The following ZEB2 variants were observed in gnomAD, a reference collection of about 807,000 sequenced individuals.
ZEB2 encodes the protein zinc finger E-box-binding homeobox 2.
In ZEB2, 6 loss-of-function variants were observed where a neutral mutation model predicts 99.9. That is an observed-to-expected ratio of 0.06 (90% CI 0.03 to 0.12). The LOEUF is 0.12. ZEB2 is among the 10% of genes least tolerant of loss of function. ZEB2 has a pLI of 1.00. For missense variants in ZEB2, 969 were observed against 1,502.8 expected (o/e 0.64, Z 5.87); for synonymous variants, 517 against 542.5 (o/e 0.95, Z 0.65).
intron 2 of ZEB2, among the ~76,000 whole-genome samples, chr2:144,498,584 T>C (rs1704823339): frequency 6.6e-6 from 1 of 152,176 alleles, no homozygotes; most frequent in Admixed American, 6.5e-5. Flanking sequence ...TGGAGTTAAC[T>C]GGTGACCTTT....
intron 2 of ZEB2, among the ~76,000 whole-genome samples, chr2:144,452,313 C>G (rs1037682137): frequency 1.3e-5 from 2 of 151,842 alleles, no homozygotes; most frequent in African/African-American, 2.4e-5. Flanking sequence ...CTCTCCTATA[C>G]GCGGCTGAAG....
Position 144,404,042 on chromosome 2 carries a change from C to T in ZEB2, c.681G>A (p.Lys227=). 1.2e-6 allele frequency: 2 copies of T among 1,614,074 alleles called. No individual in the cohort carries two copies. Among genetic ancestry groups the T allele is most frequent in the Non-Finnish European group, 1.7e-6 (2 of 1,180,032 alleles). Residue 227 remains lysine, a synonymous_variant, in exon 6 of 10, where the codon AAG becomes AAA. Coordinates refer to ENST00000627532, the MANE Select transcript of ZEB2 (RefSeq NM_014795.4). ...TCTCGTGGCGGTACTTGATGTGCTC[C>T]TTCAGTGATGTCAAGCGCTTGTAGC... ...DRGYKRLTSL[K]EHIKYRHEKN...
chr2:144,406,213 G>A (rs1046444501), intron 4 of ZEB2, among the ~76,000 whole-genome samples: 2 of 152,048 alleles, frequency 1.3e-5, no homozygotes, highest in African/African-American at 4.8e-5. Flanking sequence ...TTTTTATGAG[G>A]GGAATAGAAA....
At chr2:144,471,399 T>C (rs1448293093) in intron 2 of ZEB2, among the ~76,000 whole-genome samples, 1 of 152,074 alleles carries the variant, frequency 6.6e-6, no homozygotes, top group Non-Finnish European at 1.5e-5. Context: ...CAACAACAGA[T>C]ATTCCAACCT....
rs1309168450 is a variant in ZEB2 at position 144,506,857 on chromosome 2, A to G, written c.73+10421T>C. On this transcript the variant is annotated intron_variant, in intron 2 of 9. Coordinates refer to ENST00000627532, the MANE Select transcript of ZEB2 (RefSeq NM_014795.4). Reference sequence around the variant, plus strand: ...TAAAAAAATAAGAAACAGTATATAAAGAACAAAAATCACTATGTTGTCTAT... The same window carrying G: ...TAAAAAAATAAGAAACAGTATATAAGGAACAAAAATCACTATGTTGTCTAT... Among the ~76,000 whole-genome samples the G allele has an allele frequency of 3.3e-5, 5 of 152,224 alleles. No homozygotes were observed. In the East Asian group the frequency reaches 9.6e-4, roughly 29 times the overall value.
At chr2:144,517,687 C>T (rs754120714) in intron 1 of ZEB2, 3 of 702,438 alleles carry the variant, frequency 4.3e-6, no homozygotes, top group Admixed American at 2.0e-5. Flanking sequence ...AACTCCTGAC[C>T]GTATGAGGGA....
rs952610816 is a variant in ZEB2 at position 144,443,159 on chromosome 2, A to T, written c.74-13133T>A. The stretch of plus-strand genomic sequence containing the variant: ...AAAATAGATCATTGAAATAAGAGTT[A>T]AAAAAGTATTTTAAAGAATATAATT... On this transcript the variant is annotated intron_variant, in intron 2 of 9. Coordinates refer to ENST00000627532, the MANE Select transcript of ZEB2 (RefSeq NM_014795.4). 3.3e-5 allele frequency among the ~76,000 whole-genome samples: 5 copies of T among 152,264 alleles called. No individual in the cohort carries two copies. In the South Asian group the frequency reaches 1.0e-3, roughly 32 times the overall value.
intron 2 of ZEB2, chr2:144,511,649 T>C (rs765710762): frequency 1.6e-6 from 2 of 1,287,164 alleles, no homozygotes; most frequent in Non-Finnish European, 1.0e-6. Context: ...GGTAAGCTGA[T>C]GCTGTTGGCA....
intron 1 of ZEB2, 91 bp from the exon 2 acceptor site, chr2:144,517,510 C>T: frequency 2.4e-6 from 2 of 830,482 alleles, no homozygotes; most frequent in Non-Finnish European, 4.0e-6. Context: ...AGGGCCCCGG[C>T]GAGCACCCAT....
At chr2:144,390,120 A>G in intron 9 of ZEB2, 92 bp from the exon 10 acceptor site, 2 of 1,330,472 alleles carry the variant, frequency 1.5e-6, no homozygotes, top group East Asian at 4.7e-5. Context: ...CTCAGGCATA[A>G]GCGTGTGTAC....
At chr2:144,463,455 C>T (rs988668532) in intron 2 of ZEB2, 1 of 152,176 alleles carries the variant, frequency 6.6e-6, no homozygotes, top group South Asian at 2.1e-4. Flanking sequence ...TTTCTTGGCA[C>T]CTGGTTATCT....
chr2:144,427,394 G>T (rs1573741690), intron 3 of ZEB2: 1 of 152,194 alleles, frequency 6.6e-6, no homozygotes, highest in African/African-American at 2.4e-5. Context: ...ACAAACTCCA[G>T]AAAGCATGGG....
At position 144,389,562 on chromosome 2, in the gene ZEB2, C is replaced by T; in HGVS notation, c.3534G>A (p.Thr1178=). 1 of 1,614,126 alleles carries T rather than the reference C, an allele frequency of 6.2e-7. No homozygotes were observed. The highest frequency in any genetic ancestry group is 8.5e-7 in the Non-Finnish European group (1 of 1,180,036). ...ENKSMDTDPE[T]IRDEEETGDH... ...CTCCAGTCTCTTCTTCATCTCGTAT[C>T]GTTTCGGGATCCGTATCCATACTTT... Residue 1178 remains threonine, a synonymous_variant, in exon 10 of 10, where the codon ACG becomes ACA. Coordinates refer to ENST00000627532, the MANE Select transcript of ZEB2 (RefSeq NM_014795.4). This position sits in a 1 kb window ranked among gnomAD's most constrained non-coding sequence, Gnocchi z 6.8.
intron 3 of ZEB2, chr2:144,428,988 G>A (rs749760791): frequency 6.6e-6 from 1 of 152,190 alleles, no homozygotes; most frequent in South Asian, 2.1e-4. Context: ...GATGAGCAGA[G>A]AAAGTTCACA....
At chr2:144,394,389 T>G (rs1703193879) in intron 9 of ZEB2, 1 of 152,198 alleles carries the variant, frequency 6.6e-6, no homozygotes, top group Admixed American at 6.5e-5. Context: ...AGTTGTACAC[T>G]CACCGTGTAG....
chr2:144,423,017 C>T (rs1703640506), intron 4 of ZEB2, among the ~76,000 whole-genome samples: 1 of 152,150 alleles, frequency 6.6e-6, no homozygotes, highest in African/African-American at 2.4e-5. Context: ...ATAGAACACA[C>T]TCAATGAACA....
At chr2:144,464,939 A>G (rs1041187911) in intron 2 of ZEB2, among the ~76,000 whole-genome samples, 1 of 152,186 alleles carries the variant, frequency 6.6e-6, no homozygotes, top group Admixed American at 6.6e-5. Flanking sequence ...TCTTGATAAG[A>G]TAACATGGAG....
chr2:144,406,775 A>T (rs1202340419), intron 4 of ZEB2, among the ~76,000 whole-genome samples: 1 of 152,194 alleles, frequency 6.6e-6, no homozygotes, highest in Non-Finnish European at 1.5e-5. Context: ...GATTATTTGC[A>T]TTTTTAGATG....
At chr2:144,413,481 C>A (rs1360870458) in intron 4 of ZEB2, among the ~76,000 whole-genome samples, 2 of 152,138 alleles carry the variant, frequency 1.3e-5, no homozygotes, top group East Asian at 3.8e-4. Flanking sequence ...GAAAATCATC[C>A]CCCGTCTCAC....
Sources: gnomAD v4.1 joint callset for allele counts (sites outside exome capture counted in the v4.1 genomes callset) on GRCh38, gnomAD v4.1.1 for gene constraint, Gnocchi (gnomAD v3.1) non-coding constraint, MANE v1.5 for transcripts, NCBI Gene and HGNC (gene_info 2026-07-23, HGNC 2026-07-21) for gene names.